The following LRRC8B variants were observed in gnomAD, a reference collection of about 807,000 sequenced individuals.
LRRC8B encodes leucine rich repeat containing 8 VRAC subunit B.
LRRC8B carries 23 observed loss-of-function variants against 58.8 expected under a neutral mutation model. The observed-to-expected ratio is 0.39, with a 90% CI of 0.28 to 0.55. The LOEUF (loss-of-function observed/expected upper bound fraction) is 0.55, where lower values mean the gene tolerates loss of function less well. Among genes scored for constraint, LRRC8B ranks in the 20% least tolerant of loss-of-function variants. The pLI is 0.62. For synonymous variants in LRRC8B, 359 were observed against 374.1 expected, an observed-to-expected ratio of 0.96 and a Z score of 0.47; for missense variants, 694 against 936.0, an observed-to-expected ratio of 0.74 and a Z score of 3.37.
intron 1 of LRRC8B, among the ~76,000 whole-genome samples, chr1:89,530,733 G>A (rs546631660): frequency 1.3e-5 from 2 of 152,350 alleles, no homozygotes; most frequent in African/African-American, 4.8e-5. Flanking sequence ...ACTGGACTAT[G>A]CATGGGATGG....
rs773865915 is a variant in LRRC8B, at chr1:89,550,428, A to G, written c.-240-17819A>G. Among the ~76,000 whole-genome samples the G allele has an allele frequency of 3.7e-4, 56 of 152,292 alleles. No individual in the cohort carries two copies. In the Middle Eastern group the frequency reaches 0.014, roughly 37 times the overall value. ...TTTCACAAATACCTTTTTGGGTTCA[A>G]TAGAATGGTACCTGTGTCTCATTAG... On this transcript the variant is annotated intron_variant, in intron 1 of 5. Coordinates refer to ENST00000330947, the MANE Select transcript of LRRC8B (RefSeq NM_001369817.2).
intron 1 of LRRC8B, among the ~76,000 whole-genome samples, chr1:89,544,547 A>G (rs1269777737): frequency 6.6e-6 from 1 of 152,178 alleles, no homozygotes; most frequent in Non-Finnish European, 1.5e-5. Flanking sequence ...TACAAAATTT[A>G]AGCCTTTTCT....
In LRRC8B at chr1:89,585,994, A is replaced by C. The variant is rs7519211; in HGVS notation, c.2139+1205A>C. On this transcript the variant is annotated intron_variant, in intron 5 of 5. Coordinates refer to ENST00000330947, the MANE Select transcript of LRRC8B (RefSeq NM_001369817.2). The stretch of plus-strand genomic sequence containing the variant: ...AAATTGGGGGATGAGAGCAAAATTC[A>C]TGCTGATTTTTAGAACTCTCAGACT... Among the ~76,000 whole-genome samples, 647 of 152,308 alleles carry C rather than the reference A, an allele frequency of 4.2e-3. 6 individuals carry two copies. The highest frequency in any genetic ancestry group is 0.015 in the African/African-American group (617 of 41,566).
chr1:89,576,106 A>G (rs770325731), intron 3 of LRRC8B, among the ~76,000 whole-genome samples: 1 of 151,384 alleles, frequency 6.6e-6, no homozygotes, highest in Non-Finnish European at 1.5e-5. Flanking sequence ...GGATGACAGC[A>G]CTATTGAAAT....
chr1:89,579,044 T>G (rs1654048914), intron 3 of LRRC8B, among the ~76,000 whole-genome samples: 1 of 152,192 alleles, frequency 6.6e-6, no homozygotes, highest in Non-Finnish European at 1.5e-5. Context: ...ATTGGTAGGC[T>G]AAATTTTAGG....
intron 1 of LRRC8B, among the ~76,000 whole-genome samples, chr1:89,547,428 T>C (rs1486510000): frequency 6.6e-6 from 1 of 152,194 alleles, no homozygotes; most frequent in Non-Finnish European, 1.5e-5. Context: ...ATCAGAGTGG[T>C]GGGCAGATGG....
intron 1 of LRRC8B, among the ~76,000 whole-genome samples, chr1:89,563,999 TTTAAAGTCTTTCA>T (rs1455015647): frequency 6.6e-6 from 1 of 152,186 alleles, no homozygotes; most frequent in Non-Finnish European, 1.5e-5. Context: ...GATACTCCTT[TTTAAAGTCTTTCA>T]AAAAGAAGGT....
At chr1:89,588,079 A>T (rs1339819801) in intron 5 of LRRC8B, 1 of 152,180 alleles carries the variant, frequency 6.6e-6, no homozygotes, top group Non-Finnish European at 1.5e-5. Context: ...TTGTGGCTAT[A>T]GGAGAGCTGA....
At chr1:89,581,248 G>A (rs911329653) in intron 4 of LRRC8B, among the ~76,000 whole-genome samples, 1 of 130,590 alleles carries the variant, frequency 7.7e-6, no homozygotes, top group Middle Eastern at 5.7e-3. Context: ...TCAGTGAGCT[G>A]AGATCACGCC....
chr1:89,570,104 C>A (rs1653341503), intron 3 of LRRC8B, among the ~76,000 whole-genome samples: 1 of 152,144 alleles, frequency 6.6e-6, no homozygotes, highest in Admixed American at 6.5e-5. Context: ...ACCACATTTT[C>A]TTTATCCAGT....
At chr1:89,578,628 A>G (rs1356123552) in intron 3 of LRRC8B, among the ~76,000 whole-genome samples, 1 of 152,222 alleles carries the variant, frequency 6.6e-6, no homozygotes, top group Non-Finnish European at 1.5e-5. Flanking sequence ...TGAAATGACA[A>G]GCTTAAAAGA....
intron 1 of LRRC8B, among the ~76,000 whole-genome samples, chr1:89,546,414 A>C (rs1651408084): frequency 6.6e-6 from 1 of 152,202 alleles, no homozygotes; most frequent in Admixed American, 6.5e-5. Context: ...AGGCACATTT[A>C]AAGAGGACTT....
At chr1:89,577,320 G>A (rs1653928509) in intron 3 of LRRC8B, among the ~76,000 whole-genome samples, 4 of 152,174 alleles carry the variant, frequency 2.6e-5, no homozygotes, top group Admixed American at 2.6e-4. Context: ...CTTGAATGTT[G>A]ATGTTACAGT....
chr1:89,581,894 T>C (rs1654251523), intron 4 of LRRC8B, among the ~76,000 whole-genome samples: 1 of 152,236 alleles, frequency 6.6e-6, no homozygotes, highest in Non-Finnish European at 1.5e-5. Flanking sequence ...GGAAAGGAGA[T>C]AATGCATTCA....
intron 1 of LRRC8B, chr1:89,526,929 A>G (rs1649748742): frequency 6.6e-6 from 1 of 152,192 alleles, no homozygotes; most frequent in Non-Finnish European, 1.5e-5. Flanking sequence ...CTCTACCACT[A>G]TCACCATTTC....
In LRRC8B at chr1:89,582,925, G is replaced by A. The variant is rs755825664; in HGVS notation, c.275G>A (p.Arg92Gln). 23 of 1,613,948 alleles carry A rather than the reference G, an allele frequency of 1.4e-5. No individual in the cohort carries two copies. Among genetic ancestry groups the A allele is most frequent in the Non-Finnish European group, 1.7e-5 (20 of 1,180,008 alleles). The change falls in exon 5 of 6, where the codon CGA becomes CAA. Residue 92 changes from arginine (R) to glutamine (Q), a missense_variant. By Grantham distance (43) the Arg-to-Gln change is conservative. Around this residue, in one of 5 missense-constraint regions of LRRC8B, gnomAD observed 316 missense variants for 403.8 expected, o/e 0.78. Coordinates refer to ENST00000330947, the MANE Select transcript of LRRC8B (RefSeq NM_001369817.2). ...GGGACACCGCTTCCGCTCCCCCTCC[G>A]AATTCAGAATGACCTCCACCGACAG... ...NPGTPLPLPLRIQNDLHRQQY... is the reference protein window; with the variant it reads ...NPGTPLPLPLQIQNDLHRQQY...
Position 89,596,530 on chromosome 1 carries a change from TAATA to T in LRRC8B, c.*3488_*3491del, listed in dbSNP as rs1481992475. ...TTTTATGTTTAATTAAAATATTGCA[TAATA>T]TTGATGGGTTCAAAAACCATTAAAA... On this transcript the variant is annotated 3_prime_UTR_variant, in exon 6 of 6. Transcript: ENST00000330947. 24 of 152,310 alleles carry T rather than the reference TAATA, an allele frequency of 1.6e-4. No homozygotes were observed. The highest frequency in any genetic ancestry group is 5.5e-4 in the African/African-American group (23 of 41,586). The allele number at this position is 152,310 out of a possible 1,614,324, so 9.4% of individuals were successfully genotyped here. A position where few individuals can be genotyped will look rare whatever the true frequency, so the allele number is the denominator to read the frequency against.
intron 1 of LRRC8B, among the ~76,000 whole-genome samples, chr1:89,546,241 T>C (rs1021722841): frequency 1.1e-4 from 17 of 152,110 alleles, no homozygotes; most frequent in Non-Finnish European, 2.1e-4. Flanking sequence ...CCTTGGTGAG[T>C]GCTAGTAGGC....
chr1:89,551,684 G>A (rs1332431283), intron 1 of LRRC8B, among the ~76,000 whole-genome samples: 2 of 152,192 alleles, frequency 1.3e-5, no homozygotes, highest in Non-Finnish European at 2.9e-5. Flanking sequence ...ATTTGATAAA[G>A]TGAGTGAGGG....
Sources: gnomAD v4.1 joint callset for allele counts (sites outside exome capture counted in the v4.1 genomes callset) on GRCh38, gnomAD v4.1.1 for gene constraint, gnomAD v4.1.1 regional missense constraint, MANE v1.5 for transcripts, NCBI Gene and HGNC (gene_info 2026-07-23, HGNC 2026-07-21) for gene names.